Variants in DNAH10 observed in about 807,000 individuals in gnomAD.
The protein encoded by DNAH10 is dynein axonemal heavy chain 10.
DNAH10 carries 348 observed loss-of-function variants against 506.6 expected under a neutral mutation model. That is an observed-to-expected ratio of 0.69 (90% CI 0.63 to 0.75). The LOEUF (loss-of-function observed/expected upper bound fraction) is 0.75. Ranked by LOEUF, DNAH10 falls within the 30% of genes least tolerant of loss-of-function variation. The pLI, the probability that DNAH10 is intolerant of heterozygous loss-of-function variation, is 0.00. For synonymous variants in DNAH10, 2,059 were observed against 2,198.6 expected, an observed-to-expected ratio of 0.94 and a Z score of 1.78; for missense variants, 5,179 against 5,787.1, an observed-to-expected ratio of 0.89 and a Z score of 3.41.
chr12:123,934,536 G>T, intron 77 of DNAH10, 85 bp from the exon 78 acceptor site: 1 of 1,542,252 alleles, frequency 6.5e-7, no homozygotes, highest in Non-Finnish European at 8.8e-7. Context: ...TGGCCTGTGT[G>T]TCGCTGTGTG....
At chr12:123,805,310 C>G (rs1958625171) in intron 18 of DNAH10, among the ~76,000 whole-genome samples, 1 of 152,216 alleles carries the variant, frequency 6.6e-6, no homozygotes, top group African/African-American at 2.4e-5. Flanking sequence ...CAGAGAATCG[C>G]TGTCACTCAA....
At chr12:123,927,033 C>CT (rs1317605318) in intron 69 of DNAH10, 611 of 590,174 alleles carry the variant, frequency 1.0e-3, no homozygotes, top group East Asian at 1.6e-3. Flanking sequence ...GTGCTGTTTT[C>CT]TTTTTTTTTC....
intron 13 of DNAH10, 29 bp downstream of exon 13, chr12:123,796,861 T>G: frequency 6.4e-7 from 1 of 1,553,260 alleles, no homozygotes; most frequent in Non-Finnish European, 8.7e-7. Context: ...AATTGGCTCC[T>G]TTTGTATTTG....
At chr12:123,887,448 G>A in intron 52 of DNAH10, 135 bp downstream of exon 52, 3 of 1,055,140 alleles carry the variant, frequency 2.8e-6, no homozygotes, top group Non-Finnish European at 3.9e-6. Context: ...CCTCACGGCG[G>A]CCCCTGAGAT....
At chr12:123,807,109 CATTT>C (rs1049615964) in intron 18 of DNAH10, among the ~76,000 whole-genome samples, 2 of 152,094 alleles carry the variant, frequency 1.3e-5, no homozygotes, top group African/African-American at 2.4e-5. Flanking sequence ...CTCATTCATT[CATTT>C]GTTCATCCAT....
chr12:123,799,150 T>C, intron 13 of DNAH10, 96 bp from the exon 14 acceptor site: 1 of 706,656 alleles, frequency 1.4e-6, no homozygotes, highest in Non-Finnish European at 1.9e-6. Flanking sequence ...ATAATTTATA[T>C]ATTATATTTA....
intron 14 of DNAH10, among the ~76,000 whole-genome samples, 155 bp downstream of exon 14, chr12:123,799,526 G>A (rs574872028): frequency 2.6e-4 from 39 of 152,336 alleles, no homozygotes; most frequent in African/African-American, 9.1e-4. Context: ...AGGAAAGAGT[G>A]GAGATGGCAC....
In DNAH10 at chr12:123,918,797, T is replaced by A; in HGVS notation, c.11354T>A (p.Leu3785Gln). 6.2e-7 allele frequency: 1 copy of A among 1,613,926 alleles called. No individual in the cohort carries two copies. The change falls in exon 65 of 79, where the codon CTG becomes CAG. Residue 3785 changes from leucine to glutamine, a missense_variant. This residue lies in a region of DNAH10 where 4,844 missense variants were observed against 5,430.5 expected (regional missense o/e 0.89). Coordinates refer to ENST00000673944, the MANE Select transcript of DNAH10 (RefSeq NM_001372106.1). ...TTCTTCGTCCTGTCTGAGATGGCCC[T>A]GGTGAACTCCATGTACCAGTACTCC... ...ILFFVLSEMA[L>Q]VNSMYQYSLI...
intron 51 of DNAH10, among the ~76,000 whole-genome samples, chr12:123,883,576 T>C (rs1952601782): frequency 6.6e-6 from 1 of 152,236 alleles, no homozygotes; most frequent in Non-Finnish European, 1.5e-5. Context: ...TTGCCTCTGG[T>C]TGCATGATAC....
In DNAH10 at chr12:123,929,487, G is replaced by A. The variant is rs769960007; in HGVS notation, c.12516+3G>A. On this transcript the variant is annotated splice_donor_region_variant and intron_variant, in intron 71 of 78. Transcript: ENST00000673944. ...ACTTCAATGAGTCTGACTTCCAGGT[G>A]ACAGTGGCTGCTTCTCCTTGGAAAT... The A allele has an allele frequency of 2.5e-6, 4 of 1,611,776 alleles. No individual in the cohort carries two copies. The South Asian group carries it at 4.4e-5, about 18-fold the overall frequency.
intron 51 of DNAH10, 59 bp downstream of exon 51, chr12:123,881,872 T>C: frequency 2.9e-6 from 4 of 1,396,802 alleles, no homozygotes; most frequent in Non-Finnish European, 3.8e-6. Context: ...CAGTTGGTAG[T>C]TCGTGTACAT....
chr12:123,775,265 T>A (rs1412847896), intron 5 of DNAH10, among the ~76,000 whole-genome samples: 1 of 152,076 alleles, frequency 6.6e-6, no homozygotes, highest in Non-Finnish European at 1.5e-5. Flanking sequence ...TACACCACCA[T>A]GCCTGGCTCA....
At chr12:123,921,887 G>A (rs975369883) in intron 65 of DNAH10, among the ~76,000 whole-genome samples, 3 of 151,098 alleles carry the variant, frequency 2.0e-5, no homozygotes, top group Non-Finnish European at 4.4e-5. Flanking sequence ...CTAATTTTTA[G>A]TATTTTTAGT....
Position 123,909,447 on chromosome 12 carries a change from G to C in DNAH10, c.9997+5G>C, listed in dbSNP as rs746142772. 10 of 1,561,816 alleles carry C rather than the reference G, an allele frequency of 6.4e-6. No homozygotes were observed. In the East Asian group the frequency reaches 2.3e-4, roughly 36 times the overall value. On this transcript the variant is annotated splice_donor_5th_base_variant and intron_variant, in intron 58 of 78. Transcript: ENST00000673944. The surrounding 1 kb of genome is among the most constrained non-coding windows in gnomAD (Gnocchi z 5.4). ...GCCAAGTGAAAAACATCAAAGGTGA[G>C]TGTAGCCACGTGTGGGAATCGCCAG...
intron 73 of DNAH10, among the ~76,000 whole-genome samples, 156 bp from the exon 74 acceptor site, chr12:123,931,185 A>G (rs2137719398): frequency 6.6e-6 from 1 of 152,040 alleles, no homozygotes; most frequent in East Asian, 1.9e-4. Flanking sequence ...AGTGCACTTC[A>G]GCCTGGGTGA....
intron 36 of DNAH10, among the ~76,000 whole-genome samples, chr12:123,854,100 A>C (rs1465570582): frequency 7.7e-6 from 1 of 130,052 alleles, no homozygotes; most frequent in African/African-American, 3.0e-5. Flanking sequence ...GGAGGGGTCG[A>C]AGGAAGAGTT....
In DNAH10 at chr12:123,845,756, G is replaced by A; in HGVS notation, c.5517G>A (p.Glu1839=). The change falls in exon 31 of 79, where the codon GAG becomes GAA. Residue 1839 remains glutamate, a synonymous_variant. Transcript: ENST00000673944. ...YGRKMHRQID[E]LVTRITMPLS... Reference sequence around the variant, plus strand: ...GGAAAATGCACCGGCAGATCGATGAGTTGGTAACGCGCATCACCATGCCGC... The same window carrying A: ...GGAAAATGCACCGGCAGATCGATGAATTGGTAACGCGCATCACCATGCCGC... 2 of 1,613,966 alleles carry A rather than the reference G, an allele frequency of 1.2e-6. No individual in the cohort carries two copies. Among genetic ancestry groups the A allele is most frequent in the African/African-American group, 1.3e-5 (1 of 75,036 alleles).
chr12:123,892,881 T>C (rs1953049804), intron 52 of DNAH10, among the ~76,000 whole-genome samples: 1 of 152,156 alleles, frequency 6.6e-6, no homozygotes. Context: ...AGCAGAAATA[T>C]CTCCAGACAT....
rs770583714 is a variant in DNAH10 at position 123,932,085 on chromosome 12, CG to C, written c.13275del (p.Phe4426SerfsTer8). ...LGNWMVYFLR[R>X]FSQYMLWVTE... ...AAACTGGATGGTCTACTTCCTGCGG[CG>C]GTTCAGCCAGTACATGTTGTGGGTA... On this transcript the variant is annotated frameshift_variant, in exon 76 of 79. Coordinates refer to ENST00000673944, the MANE Select transcript of DNAH10 (RefSeq NM_001372106.1). LOFTEE classifies it high-confidence loss of function. 6.2e-7 allele frequency: 1 copy of C among 1,613,852 alleles called. No individual in the cohort carries two copies. Among genetic ancestry groups the C allele is most frequent in the Non-Finnish European group, 8.5e-7 (1 of 1,179,894 alleles).
Sources: gnomAD v4.1 joint callset for allele counts (sites outside exome capture counted in the v4.1 genomes callset) on GRCh38, gnomAD v4.1.1 for gene constraint, gnomAD v4.1.1 regional missense constraint, Gnocchi (gnomAD v3.1) non-coding constraint, MANE v1.5 for transcripts, NCBI Gene and HGNC (gene_info 2026-07-23, HGNC 2026-07-21) for gene names.